Variants in CFAP210 observed in about 807,000 individuals in gnomAD.
CFAP210 encodes cilia and flagella associated protein 210.
the CFAP210 span, among the ~76,000 whole-genome samples, chr2:169,669,106 A>G: frequency 6.6e-6 from 1 of 152,224 alleles, no homozygotes; most frequent in South Asian, 2.1e-4. Flanking sequence ...AGGTACTTAG[A>G]TAACTTTGAC....
chr2:169,693,702 T>C, the CFAP210 span, among the ~76,000 whole-genome samples: 4 of 152,244 alleles, frequency 2.6e-5, no homozygotes, highest in Non-Finnish European at 2.9e-5. Flanking sequence ...TACAGTACTT[T>C]ATGTCACACG....
chr2:169,656,445 G>A, the CFAP210 span, among the ~76,000 whole-genome samples: 1 of 139,368 alleles, frequency 7.2e-6, no homozygotes, highest in Non-Finnish European at 1.6e-5. Context: ...AGGAAGAGGA[G>A]GAAGATGAAG....
At chr2:169,675,147 G>C in the CFAP210 span, 3 of 848,374 alleles carry the variant, frequency 3.5e-6, no homozygotes, top group Non-Finnish European at 3.3e-6. Flanking sequence ...TATTGTATTT[G>C]TAATATTTTA....
At chr2:169,664,377 T>C in the CFAP210 span, among the ~76,000 whole-genome samples, 1 of 152,186 alleles carries the variant, frequency 6.6e-6, no homozygotes, top group Non-Finnish European at 1.5e-5. Flanking sequence ...TATGCATCCA[T>C]TGGATAATGC....
chr2:169,675,047 A>C, the CFAP210 span: 1 of 1,468,708 alleles, frequency 6.8e-7, no homozygotes, highest in Non-Finnish European at 9.0e-7. Flanking sequence ...TCCCCTGTAA[A>C]AAGACAAACA....
chr2:169,648,528 A>T, the CFAP210 span, among the ~76,000 whole-genome samples: 4 of 152,212 alleles, frequency 2.6e-5, no homozygotes, highest in East Asian at 7.7e-4. Context: ...AAAAATTGGC[A>T]ACACTCTTAA....
At chr2:169,653,624 AAT>A in the CFAP210 span, among the ~76,000 whole-genome samples, 2 of 152,148 alleles carry the variant, frequency 1.3e-5, no homozygotes, top group African/African-American at 4.8e-5. Flanking sequence ...ATTACGACCT[AAT>A]ACTGATGACT....
the CFAP210 span, chr2:169,649,056 T>C: frequency 5.7e-6 from 4 of 696,298 alleles, no homozygotes; most frequent in South Asian, 7.9e-5. Flanking sequence ...ATACATTTTA[T>C]TGTGTCATAA....
the CFAP210 span, among the ~76,000 whole-genome samples, chr2:169,678,749 C>T: frequency 3.3e-5 from 5 of 151,674 alleles, no homozygotes; most frequent in South Asian, 2.1e-4. Flanking sequence ...TGCTTGAACC[C>T]GGGAGGTGGA....
At chr2:169,662,506 C>A in the CFAP210 span, 1 of 1,304,318 alleles carries the variant, frequency 7.7e-7, no homozygotes, top group South Asian at 1.5e-5. Flanking sequence ...GAAATGAATT[C>A]AATTCCAACC....
chr2:169,669,636 G>A, the CFAP210 span, among the ~76,000 whole-genome samples: 2 of 152,120 alleles, frequency 1.3e-5, no homozygotes, highest in African/African-American at 4.8e-5. Context: ...AAAGGAAAAT[G>A]AGGAATCAAG....
the CFAP210 span, among the ~76,000 whole-genome samples, chr2:169,678,913 A>C: frequency 1.3e-5 from 2 of 152,306 alleles, no homozygotes; most frequent in Non-Finnish European, 2.9e-5. Context: ...AACTTTGAAA[A>C]AGAAATGATT....
At chr2:169,650,734 C>CTGTGTGTGTGTGTG in the CFAP210 span, among the ~76,000 whole-genome samples, 3,114 of 147,170 alleles carry the variant, frequency 0.021, 63 homozygotes, top group African/African-American at 0.042. Context: ...TATGTATAAT[C>CTGTGTGTGTGTGTG]TGTGTGTGTG....
the CFAP210 span, among the ~76,000 whole-genome samples, chr2:169,690,069 T>G: frequency 3.5e-3 from 526 of 152,256 alleles, 1 homozygote; most frequent in African/African-American, 0.012. Flanking sequence ...TATTTACAAG[T>G]GTGACCATAG....
chr2:169,674,567 T>A, the CFAP210 span: 1 of 1,575,608 alleles, frequency 6.3e-7, no homozygotes, highest in Non-Finnish European at 8.5e-7. Context: ...GTATTTTATG[T>A]ATACATACTG....
chr2:169,649,290 CA>C, the CFAP210 span: 1 of 1,613,736 alleles, frequency 6.2e-7, no homozygotes, highest in South Asian at 1.1e-5. Flanking sequence ...TGACAGCCAG[CA>C]ATTGTTCTTT....
At chr2:169,646,775 T>C in the CFAP210 span, among the ~76,000 whole-genome samples, 4 of 152,232 alleles carry the variant, frequency 2.6e-5, no homozygotes, top group Admixed American at 1.3e-4. Flanking sequence ...CAATATTTTA[T>C]ACAAATTTTG....
the CFAP210 span, among the ~76,000 whole-genome samples, chr2:169,670,371 A>G: frequency 2.0e-5 from 3 of 152,206 alleles, no homozygotes; most frequent in Admixed American, 2.0e-4. Flanking sequence ...CCACAGTAGC[A>G]TAGGATAGAT....
the CFAP210 span, among the ~76,000 whole-genome samples, chr2:169,660,233 T>C: frequency 2.0e-5 from 3 of 151,762 alleles, no homozygotes; most frequent in African/African-American, 7.3e-5. Flanking sequence ...CTAAAAAAAA[T>C]ACAAAAATTA....
Sources: allele counts gnomAD v4.1 joint callset (sites outside exome capture counted in the v4.1 genomes callset), GRCh38; gene constraint gnomAD v4.1.1; transcripts MANE v1.5; gene names NCBI Gene and HGNC (gene_info 2026-07-23, HGNC 2026-07-21).